Variants in INTS3 observed in about 807,000 individuals in gnomAD.
The protein encoded by INTS3 is SOSS complex subunit A.
INTS3 carries 34 observed loss-of-function variants against 146.3 expected under a neutral mutation model. The ratio of observed to expected loss-of-function variants is 0.23; its 90% confidence interval spans 0.18 to 0.31. The LOEUF (loss-of-function observed/expected upper bound fraction) is 0.31, where lower values mean the gene tolerates loss of function less well. INTS3 is among the 10% of genes least tolerant of loss of function. The probability of loss-of-function intolerance (pLI) is 1.00; values close to 1 mark genes in which losing one functional copy is unlikely to be tolerated. For missense variants in INTS3, 757 were observed against 1,304.2 expected (o/e 0.58, Z 6.46); for synonymous variants, 475 against 494.9 (o/e 0.96, Z 0.53).
At chr1:153,731,842 C>T (rs1236706924) in intron 1 of INTS3, among the ~76,000 whole-genome samples, 1 of 151,032 alleles carries the variant, frequency 6.6e-6, no homozygotes, top group Non-Finnish European at 1.5e-5. Context: ...ACCTCGGCCT[C>T]CCAAAGTGCT....
intron 1 of INTS3, among the ~76,000 whole-genome samples, chr1:153,740,098 CTATTT>C (rs1671468202): frequency 1.4e-5 from 2 of 140,230 alleles, no homozygotes; most frequent in African/African-American, 5.3e-5. Flanking sequence ...CGTGCCCGCC[CTATTT>C]TATTTTATTT....
At chr1:153,731,574 G>A (rs1557984617) in intron 1 of INTS3, among the ~76,000 whole-genome samples, 1 of 132,760 alleles carries the variant, frequency 7.5e-6, no homozygotes, top group South Asian at 2.5e-4. Flanking sequence ...GCCCAAGAGC[G>A]TCCTCTTTTT....
At chr1:153,733,609 A>G (rs1454696442) in intron 1 of INTS3, among the ~76,000 whole-genome samples, 4 of 150,062 alleles carry the variant, frequency 2.7e-5, no homozygotes, top group Non-Finnish European at 5.9e-5. Flanking sequence ...TATTTACTGT[A>G]TGCTTTTTTT....
At chr1:153,748,783 CA>C in intron 6 of INTS3, 28 bp downstream of exon 6, 3 of 1,578,702 alleles carry the variant, frequency 1.9e-6, no homozygotes, top group Non-Finnish European at 2.6e-6. Context: ...GGGTGGGGTA[CA>C]GGCCAGATAA....
chr1:153,771,157 T>C (rs563545646), intron 25 of INTS3, among the ~76,000 whole-genome samples: 15 of 152,152 alleles, frequency 9.9e-5, no homozygotes, highest in Non-Finnish European at 2.2e-4. Flanking sequence ...CAGAGCCAGC[T>C]GGACCTACTG....
chr1:153,761,061 G>A (rs754331946), intron 13 of INTS3, 143 bp downstream of exon 13: 4 of 1,460,214 alleles, frequency 2.7e-6, no homozygotes, highest in Admixed American at 2.7e-5. Context: ...CTGGGCATAT[G>A]TCTTCTTGGC....
At chr1:153,758,683 G>A (rs1247777151) in intron 10 of INTS3, among the ~76,000 whole-genome samples, 2 of 151,692 alleles carry the variant, frequency 1.3e-5, no homozygotes, top group African/African-American at 2.4e-5. Context: ...TTGGTGTGCG[G>A]CTGTAGTCCC....
chr1:153,753,301 G>A (rs904283739), intron 8 of INTS3, among the ~76,000 whole-genome samples: 3 of 152,070 alleles, frequency 2.0e-5, no homozygotes, highest in Non-Finnish European at 4.4e-5. Context: ...GCTCACACCT[G>A]TAATCCCAGC....
At chr1:153,760,073 C>T in intron 11 of INTS3, 1 of 573,072 alleles carries the variant, frequency 1.7e-6, no homozygotes, top group Non-Finnish European at 3.1e-6. Context: ...GAGATAGAAA[C>T]AGACTGACTT....
intron 1 of INTS3, among the ~76,000 whole-genome samples, chr1:153,733,361 C>T (rs931276782): frequency 2.0e-5 from 3 of 151,020 alleles, no homozygotes; most frequent in Non-Finnish European, 4.4e-5. Flanking sequence ...TGCAGGTGTG[C>T]ACCACCACGC....
intron 2 of INTS3, 90 bp from the exon 3 acceptor site, chr1:153,741,195 T>C: frequency 3.4e-6 from 3 of 884,468 alleles, no homozygotes; most frequent in Non-Finnish European, 5.8e-6. Flanking sequence ...GCATCTTCCT[T>C]AGGAGTCCCA....
chr1:153,756,906 T>C (rs998938326), intron 9 of INTS3, among the ~76,000 whole-genome samples: 1 of 152,254 alleles, frequency 6.6e-6, no homozygotes, highest in East Asian at 1.9e-4. Context: ...CCGAAAGTTC[T>C]GTTGGATGGT....
chr1:153,750,324 C>T (rs1423002448), intron 6 of INTS3, among the ~76,000 whole-genome samples: 1 of 152,232 alleles, frequency 6.6e-6, no homozygotes, highest in African/African-American at 2.4e-5. Context: ...AGGAATATCC[C>T]CACTGTGTCT....
rs879036146 is a variant in INTS3, at chr1:153,773,189, C to G, written c.3052-4C>G. On this transcript the variant is annotated splice_polypyrimidine_tract_variant and splice_region_variant and intron_variant, in intron 29 of 29. Coordinates refer to ENST00000318967, the MANE Select transcript of INTS3 (RefSeq NM_023015.5). ...CTTCCCATTTCCCCTCCCATCTCTT[C>G]CAGGAAGAGGAAGACACGAAACCGA... 3.1e-6 allele frequency: 5 copies of G among 1,614,032 alleles called. No individual in the cohort carries two copies. In the South Asian group the frequency reaches 5.5e-5, roughly 18 times the overall value.
At chr1:153,765,118 T>C in intron 20 of INTS3, 55 bp downstream of exon 20, 1 of 1,598,462 alleles carries the variant, frequency 6.3e-7, no homozygotes, top group Non-Finnish European at 8.6e-7. Context: ...GGAGAGCCTC[T>C]CTTCCACACG....
chr1:153,773,421 G>C lies in INTS3; in HGVS notation c.*151G>C. 1 of 734,078 alleles carries C rather than the reference G, an allele frequency of 1.4e-6. No homozygotes were observed. The highest frequency in any genetic ancestry group is 1.7e-5 in the South Asian group (1 of 60,280). 45.5% of individuals were successfully genotyped at this position (734,078 alleles called of 1,614,324 possible). A position where few individuals can be genotyped will look rare whatever the true frequency, so the allele number is the denominator to read the frequency against. On this transcript the variant is annotated 3_prime_UTR_variant, in exon 30 of 30. Coordinates refer to ENST00000318967, the MANE Select transcript of INTS3 (RefSeq NM_023015.5). ...GAAGGAGGAGCTTTCTCCTCTGGCT[G>C]AGTTTGAGAAGCTGCCATGCAGCCC...
At position 153,769,851 on chromosome 1, in the gene INTS3, G is replaced by C. The variant is rs766513577; in HGVS notation, c.2389+7G>C. ...TCAGTTCTCAACATACTCAGTAAGT[G>C]ATCAAATCTTTAGGTGCCTGGGAGA... On this transcript the variant is annotated splice_region_variant and intron_variant, in intron 23 of 29. Coordinates refer to ENST00000318967, the MANE Select transcript of INTS3 (RefSeq NM_023015.5). The C allele has an allele frequency of 2.5e-6, 4 of 1,596,046 alleles. No homozygotes were observed. In the South Asian group the frequency reaches 4.4e-5, roughly 18 times the overall value.
chr1:153,738,177 T>C (rs1419033763), intron 1 of INTS3, among the ~76,000 whole-genome samples: 1 of 152,148 alleles, frequency 6.6e-6, no homozygotes, highest in Non-Finnish European at 1.5e-5. Flanking sequence ...TAGCTCACTA[T>C]AGCCTTGCCC....
At chr1:153,762,581 G>A in intron 14 of INTS3, 147 bp from the exon 15 acceptor site, 1 of 913,362 alleles carries the variant, frequency 1.1e-6, no homozygotes, top group Non-Finnish European at 1.6e-6. Flanking sequence ...GGTTTGTCAA[G>A]AGGTTTGTCC....
Sources: allele counts gnomAD v4.1 joint callset (sites outside exome capture counted in the v4.1 genomes callset), GRCh38; gene constraint gnomAD v4.1.1; transcripts MANE v1.5; gene names NCBI Gene and HGNC (gene_info 2026-07-23, HGNC 2026-07-21).